DNM3: variants seen among roughly 807,000 people sequenced by gnomAD.
DNM3 encodes the protein dynamin 3.
In DNM3, 47 loss-of-function variants were observed where a neutral mutation model predicts 101.6. That is an observed-to-expected ratio of 0.46 (90% CI 0.37 to 0.59). DNM3 has a LOEUF of 0.59. Ranked by LOEUF, DNM3 falls within the 20% of genes least tolerant of loss-of-function variation. The pLI is 0.00. For missense variants in DNM3, 849 were observed against 1,085.7 expected (o/e 0.78, Z 3.06); for synonymous variants, 385 against 387.9 (o/e 0.99, Z 0.09).
chr1:171,968,139 T>C (rs1050880421), intron 2 of DNM3, among the ~76,000 whole-genome samples: 4 of 152,224 alleles, frequency 2.6e-5, no homozygotes, highest in Admixed American at 6.5e-5. Flanking sequence ...TTTGAATGTA[T>C]ACATGTGCTA....
intron 15 of DNM3, among the ~76,000 whole-genome samples, chr1:172,261,958 C>T (rs891393762): frequency 6.6e-6 from 1 of 152,102 alleles, no homozygotes; most frequent in Admixed American, 6.5e-5. Flanking sequence ...ATGGTATGCT[C>T]AGGTAAAGGG....
At chr1:172,062,627 G>C (rs1383800143) in intron 10 of DNM3, among the ~76,000 whole-genome samples, 2 of 152,262 alleles carry the variant, frequency 1.3e-5, no homozygotes, top group Admixed American at 6.5e-5. Flanking sequence ...AGTTCACCTA[G>C]TTGGGATCTG....
chr1:172,382,631 C>CTAAG (rs2068972923), intron 18 of DNM3, among the ~76,000 whole-genome samples: 1 of 152,138 alleles, frequency 6.6e-6, no homozygotes, highest in African/African-American at 2.4e-5. Context: ...TTAGGAAACT[C>CTAAG]TAAGTCAGCC....
At chr1:172,049,283 G>A (rs1303319596) in intron 10 of DNM3, among the ~76,000 whole-genome samples, 2 of 152,090 alleles carry the variant, frequency 1.3e-5, no homozygotes, top group Non-Finnish European at 2.9e-5. Flanking sequence ...AACCTCTCTA[G>A]TCTTGTTAAT....
rs747456097 is a variant in DNM3 at position 172,044,416 on chromosome 1, A to G, written c.1160A>G (p.Glu387Gly). 21 of 1,609,210 alleles carry G rather than the reference A, an allele frequency of 1.3e-5. No homozygotes were observed. In the South Asian group the frequency reaches 2.1e-4, roughly 16 times the overall value. ...MEFNEKELRR[E>G]ISYAIKNIHG... ...TTCAATGAGAAAGAATTGCGAAGAG[A>G]AATAAGCTATGCAATCAAAAACATA... Residue 387 changes from glutamate to glycine, a missense_variant, in exon 9 of 21, where the codon GAA (glutamate) becomes GGA (glycine). Glu to Gly is a moderately conservative substitution (Grantham distance 98). Coordinates refer to ENST00000627582, the MANE Select transcript of DNM3 (RefSeq NM_015569.5).
chr1:172,220,660 A>G (rs762851702), intron 14 of DNM3, among the ~76,000 whole-genome samples: 7 of 152,130 alleles, frequency 4.6e-5, no homozygotes, highest in Non-Finnish European at 1.0e-4. Flanking sequence ...GGAAATGGAG[A>G]TCGCATTACC....
intron 2 of DNM3, among the ~76,000 whole-genome samples, chr1:171,968,583 T>C (rs1324670781): frequency 6.6e-6 from 1 of 152,176 alleles, no homozygotes; most frequent in African/African-American, 2.4e-5. Context: ...CCTGATATCA[T>C]GGAAGGTTAG....
chr1:172,047,150 A>G (rs2049877160), intron 9 of DNM3, among the ~76,000 whole-genome samples: 1 of 152,126 alleles, frequency 6.6e-6, no homozygotes, highest in African/African-American at 2.4e-5. Flanking sequence ...GGCTATTTGA[A>G]TAGTAGAAGC....
At position 172,253,591 on chromosome 1, in the gene DNM3, A is replaced by T; in HGVS notation, c.1678A>T (p.Met560Leu). ...KDDEEKEKKY[M>L]LPLDNLKVRD... ...ATAATAGGAAAAAGAAAAGAAGTAC[A>T]TGCTTCCCTTGGACAACCTGAAAGT... Residue 560 changes from methionine to leucine, a missense_variant, in exon 15 of 21, where the codon ATG becomes TTG. Met to Leu is a conservative substitution (Grantham distance 15, BLOSUM62 2). Around this residue, in one of 5 missense-constraint regions of DNM3, gnomAD observed 193 missense variants for 238.4 expected, o/e 0.81. Transcript: ENST00000627582. 1.3e-6 allele frequency: 2 copies of T among 1,582,078 alleles called. No individual in the cohort carries two copies. The highest frequency in any genetic ancestry group is 1.2e-5 in the South Asian group (1 of 86,296).
At chr1:172,172,022 T>C (rs796496001) in intron 14 of DNM3, among the ~76,000 whole-genome samples, 5 of 151,666 alleles carry the variant, frequency 3.3e-5, no homozygotes, top group African/African-American at 1.2e-4. Flanking sequence ...TGCTTGCTGC[T>C]TATTGAATTG....
chr1:171,992,825 T>C (rs2045727498), intron 4 of DNM3, among the ~76,000 whole-genome samples: 1 of 152,114 alleles, frequency 6.6e-6, no homozygotes, highest in South Asian at 2.1e-4. Flanking sequence ...TTGTGTTAAA[T>C]ATTTATTTTC....
chr1:172,246,090 C>G (rs923046906), intron 14 of DNM3, among the ~76,000 whole-genome samples: 2 of 152,122 alleles, frequency 1.3e-5, no homozygotes, highest in Non-Finnish European at 2.9e-5. Context: ...ACCATCTGAT[C>G]TCATGAGAAT....
intron 13 of DNM3, among the ~76,000 whole-genome samples, chr1:172,096,282 G>C (rs1338609940): frequency 5.3e-5 from 8 of 152,004 alleles, no homozygotes; most frequent in Admixed American, 1.3e-4. Context: ...ACCCATTAAA[G>C]CTATTTTTAT....
chr1:172,174,499 G>C (rs1270189508), intron 14 of DNM3, among the ~76,000 whole-genome samples: 1 of 151,656 alleles, frequency 6.6e-6, no homozygotes, highest in Non-Finnish European at 1.5e-5. Flanking sequence ...GATTTTTGCT[G>C]TTTGGTTTAG....
At chr1:172,298,585 C>A (rs960592289) in intron 15 of DNM3, among the ~76,000 whole-genome samples, 1 of 152,128 alleles carries the variant, frequency 6.6e-6, no homozygotes, top group African/African-American at 2.4e-5. Flanking sequence ...TGCTCACACC[C>A]TGTCTACCTG....
chr1:172,251,718 A>G (rs538226514), intron 14 of DNM3, among the ~76,000 whole-genome samples: 1 of 152,282 alleles, frequency 6.6e-6, no homozygotes, highest in South Asian at 2.1e-4. Flanking sequence ...TTCCATCTTT[A>G]CAATGAAATT....
chr1:172,262,103 C>A (rs1352828282), intron 15 of DNM3, among the ~76,000 whole-genome samples: 1 of 152,102 alleles, frequency 6.6e-6, no homozygotes, highest in African/African-American at 2.4e-5. Context: ...TATCTGTAGC[C>A]CTTCTACTGG....
intron 1 of DNM3, among the ~76,000 whole-genome samples, chr1:171,916,845 T>C (rs557172233): frequency 6.6e-6 from 1 of 152,322 alleles, no homozygotes; most frequent in African/African-American, 2.4e-5. Flanking sequence ...CTCTGTCTCA[T>C]TCTGATCTCT....
chr1:172,214,130 AT>A (rs964502143), intron 14 of DNM3, among the ~76,000 whole-genome samples: 1 of 152,100 alleles, frequency 6.6e-6, no homozygotes. Context: ...GACAGAAAGC[AT>A]TTTTTCTATT....
Sources: gnomAD v4.1 joint callset for allele counts (sites outside exome capture counted in the v4.1 genomes callset) on GRCh38, gnomAD v4.1.1 for gene constraint, gnomAD v4.1.1 regional missense constraint, MANE v1.5 for transcripts, NCBI Gene and HGNC (gene_info 2026-07-23, HGNC 2026-07-21) for gene names.